CST8: variants seen among roughly 807,000 people sequenced by gnomAD.
The protein encoded by CST8 is cystatin-8.
A neutral mutation model predicts 11.8 loss-of-function variants in CST8; 20 were observed. The observed-to-expected ratio is 1.70, with a 90% confidence interval of 1.20 to 2.47. The LOEUF is 2.47. CST8 is among the 30% of genes most tolerant of loss of function. The pLI is 0.00. For synonymous variants in CST8, 77 were observed against 63.1 expected (o/e 1.22, Z -1.05); for missense variants, 196 against 167.2 (o/e 1.17, Z -0.95).
chr20:23,498,452 A>G (rs1213301579), downstream of CST8, among the ~76,000 whole-genome samples: 30 of 152,152 alleles, frequency 2.0e-4, no homozygotes, highest in Admixed American at 2.0e-3. Flanking sequence ...TCTGCCCCCA[A>G]CAGGATGAGG....
chr20:23,491,884 C>A lies in CST8; in HGVS notation c.217C>A (p.Gln73Lys), dbSNP rs767408419. ...TGTCTTCCTGGTGGTCAAGACACTGCAAGCCCAGCTTCAGGTAAAGGTGTC... is the reference window on the plus strand; with the variant it reads ...TGTCTTCCTGGTGGTCAAGACACTGAAAGCCCAGCTTCAGGTAAAGGTGTC... ...KYVFLVVKTL[Q>K]AQLQVTNLLE... Residue 73 changes from glutamine (Q) to lysine (K), a missense_variant, in exon 2 of 4, where the codon CAA becomes AAA. By Grantham distance (53) the Gln-to-Lys change is moderately conservative. Coordinates refer to ENST00000246012, the MANE Select transcript of CST8 (RefSeq NM_005492.4). The A allele has an allele frequency of 2.5e-6, 4 of 1,613,562 alleles. No individual in the cohort carries two copies. The East Asian group carries it at 6.7e-5, about 27-fold the overall frequency.
the CST8 span, among the ~76,000 whole-genome samples, chr20:23,505,176 GCT>G: frequency 9.8e-6 from 1 of 101,900 alleles, no homozygotes. Flanking sequence ...ATGGAGTCTT[GCT>G]TTGTCACCCA....
chr20:23,501,736 T>C, the CST8 span, among the ~76,000 whole-genome samples: 74 of 152,324 alleles, frequency 4.9e-4, no homozygotes, highest in African/African-American at 1.7e-3. Flanking sequence ...GGCCACCCAT[T>C]ACCAGATAGG....
At chr20:23,504,371 C>T in the CST8 span, among the ~76,000 whole-genome samples, 5 of 152,186 alleles carry the variant, frequency 3.3e-5, no homozygotes, top group African/African-American at 1.2e-4. Flanking sequence ...CACTCCTTGT[C>T]CCCTTTTGCC....
At chr20:23,492,015 T>C (rs891261121) in intron 2 of CST8, 117 bp downstream of exon 2, 3 of 753,050 alleles carry the variant, frequency 4.0e-6, no homozygotes, top group African/African-American at 3.5e-5. Context: ...AATATGTGAA[T>C]GCTTAAGAGC....
the CST8 span, among the ~76,000 whole-genome samples, chr20:23,505,665 G>A: frequency 2.6e-5 from 4 of 152,168 alleles, no homozygotes; most frequent in Non-Finnish European, 5.9e-5. Context: ...CCTGAGGAAC[G>A]CCCTTACTGA....
intron 3 of CST8, among the ~76,000 whole-genome samples, chr20:23,494,470 A>C (rs1248838015): frequency 6.6e-6 from 1 of 152,180 alleles, no homozygotes; most frequent in Non-Finnish European, 1.5e-5. Flanking sequence ...TTGCCTGTAA[A>C]GTCATCTTGA....
At chr20:23,499,755 C>T (rs1988138722), downstream of CST8, among the ~76,000 whole-genome samples, 2 of 152,192 alleles carry the variant, frequency 1.3e-5, no homozygotes, top group South Asian at 2.1e-4. Flanking sequence ...TGAGTGAGAA[C>T]AAGCAGGAAT....
downstream of CST8, among the ~76,000 whole-genome samples, chr20:23,497,058 C>T (rs982845656): frequency 2.6e-5 from 4 of 152,014 alleles, no homozygotes; most frequent in African/African-American, 7.2e-5. Flanking sequence ...CCTCAGCTTA[C>T]GAAAATGACA....
At chr20:23,492,405 G>A (rs1236954257) in intron 2 of CST8, among the ~76,000 whole-genome samples, 1 of 152,220 alleles carries the variant, frequency 6.6e-6, no homozygotes, top group African/African-American at 2.4e-5. Flanking sequence ...TAAAGACTCA[G>A]CAGAGAACAA....
At chr20:23,504,156 C>G in the CST8 span, among the ~76,000 whole-genome samples, 1 of 152,198 alleles carries the variant, frequency 6.6e-6, no homozygotes. Flanking sequence ...AGCAATGTGT[C>G]CCTCCTGCCT....
intron 3 of CST8, among the ~76,000 whole-genome samples, chr20:23,494,167 A>C (rs1159595722): frequency 3.3e-5 from 5 of 152,170 alleles, no homozygotes; most frequent in South Asian, 2.1e-4. Context: ...TCCGAATGCT[A>C]TCTGATCTTT....
intron 3 of CST8, among the ~76,000 whole-genome samples, chr20:23,494,236 C>T (rs1040936997): frequency 6.6e-6 from 1 of 152,098 alleles, no homozygotes; most frequent in African/African-American, 2.4e-5. Context: ...TTTATATTTT[C>T]TCCCGGGCTT....
chr20:23,495,842 C>A lies in CST8; in HGVS notation c.357C>A (p.Cys119Ter), dbSNP rs1988030553. The A allele has an allele frequency of 6.2e-7, 1 of 1,603,570 alleles. No homozygotes were observed. Among genetic ancestry groups the A allele is most frequent in the Non-Finnish European group, 8.5e-7 (1 of 1,176,572 alleles). Residue 119 changes from cysteine to a stop codon, truncating the protein, a stop_gained, in exon 4 of 4, where the codon TGC (cysteine) becomes TGA (stop). Transcript: ENST00000246012. LOFTEE classifies it low-confidence loss of function (END_TRUNC). ...ENSKLKRKLS[C>*]SFLVGALPWN... Reference sequence around the variant, plus strand: ...GTCATCTTTTTCAGAAATTAAGCTGCAGCTTTTTGGTAGGAGCACTTCCCT... The same window carrying A: ...GTCATCTTTTTCAGAAATTAAGCTGAAGCTTTTTGGTAGGAGCACTTCCCT...
At chr20:23,500,952 C>T (rs556648014), downstream of CST8, among the ~76,000 whole-genome samples, 15 of 152,292 alleles carry the variant, frequency 9.8e-5, no homozygotes, top group East Asian at 1.5e-3. Flanking sequence ...AGAGCTTCCA[C>T]CACCATTTTG....
At chr20:23,496,660 G>A (rs906831728), downstream of CST8, among the ~76,000 whole-genome samples, 7 of 152,152 alleles carry the variant, frequency 4.6e-5, no homozygotes, top group African/African-American at 9.7e-5. Flanking sequence ...GAATTTCCTC[G>A]TCCTAATAAG....
downstream of CST8, among the ~76,000 whole-genome samples, chr20:23,500,532 G>A (rs544159432): frequency 5.3e-5 from 8 of 152,304 alleles, no homozygotes; most frequent in Non-Finnish European, 1.0e-4. Context: ...AAGAGGGGTG[G>A]GCCTGGGAGT....
intron 2 of CST8, among the ~76,000 whole-genome samples, chr20:23,492,523 G>A (rs1987919543): frequency 1.3e-5 from 2 of 152,206 alleles, no homozygotes; most frequent in Admixed American, 1.3e-4. Flanking sequence ...ACAGGAATCT[G>A]AGGGACTGGG....
chr20:23,493,199 T>C (rs1987944805), intron 3 of CST8, 128 bp downstream of exon 3: 1 of 670,544 alleles, frequency 1.5e-6, no homozygotes, highest in South Asian at 1.7e-5. Context: ...TAGCCAACCC[T>C]GTGGCCTTTA....
Sources: allele counts gnomAD v4.1 joint callset (sites outside exome capture counted in the v4.1 genomes callset), GRCh38; gene constraint gnomAD v4.1.1; transcripts MANE v1.5; gene names NCBI Gene and HGNC (gene_info 2026-07-23, HGNC 2026-07-21).